Variants in MLLT1 observed in about 807,000 individuals in gnomAD.
The protein encoded by MLLT1 is MLLT1 super elongation complex subunit.
Under a neutral mutation model 55.1 loss-of-function variants are expected in MLLT1, and 11 were observed. The ratio of observed to expected loss-of-function variants is 0.20; its 90% confidence interval spans 0.13 to 0.33. MLLT1 has a LOEUF of 0.33. MLLT1 is among the 10% of genes least tolerant of loss of function. The pLI, the probability that MLLT1 is intolerant of heterozygous loss-of-function variation, is 1.00. For synonymous variants in MLLT1, 323 were observed against 320.1 expected, an observed-to-expected ratio of 1.01 and a Z score of -0.10; for missense variants, 536 against 760.6, an observed-to-expected ratio of 0.70 and a Z score of 3.47.
intron 3 of MLLT1, among the ~76,000 whole-genome samples, chr19:6,248,375 G>C (rs115578073): frequency 0.011 from 1,694 of 152,306 alleles, 31 homozygotes; most frequent in African/African-American, 0.039. Flanking sequence ...CCTCTCCCTT[G>C]AGTGTGGGCT....
intron 6 of MLLT1, among the ~76,000 whole-genome samples, chr19:6,220,961 C>T (rs893376076): frequency 6.6e-6 from 1 of 152,210 alleles, no homozygotes; most frequent in African/African-American, 2.4e-5. Flanking sequence ...GCCATGGGAG[C>T]ACCGGGCACT....
rs745925753 is a variant in MLLT1 at position 6,219,431 on chromosome 19, G to GTGA, written c.1111-1393_1111-1391dup. ...CCTGGCTGGGCCTGCCTGGAGCTGGGTGATGCACAGCCTGGACTTCTGTTC... is the reference window on the plus strand; with the variant it reads ...CCTGGCTGGGCCTGCCTGGAGCTGGGTGATGATGCACAGCCTGGACTTCTGTTC... On this transcript the variant is annotated intron_variant, in intron 6 of 11. Transcript: ENST00000252674. This position sits in a 1 kb window ranked among gnomAD's most constrained non-coding sequence, Gnocchi z 4.5. 9.9e-5 allele frequency among the ~76,000 whole-genome samples: 15 copies of GTGA among 152,198 alleles called. No homozygotes were observed. Among genetic ancestry groups the GTGA allele is most frequent in the Non-Finnish European group, 2.1e-4 (14 of 68,032 alleles).
Position 6,230,525 on chromosome 19 carries a change from C to G in MLLT1, c.420+45G>C, listed in dbSNP as rs1347888321. Reference sequence around the variant, plus strand: ...GCACAGACGGCCGCAGCAAAGTAGCCTCGGTGGAGCGGCCCCTTGGCGGGC... The same window carrying G: ...GCACAGACGGCCGCAGCAAAGTAGCGTCGGTGGAGCGGCCCCTTGGCGGGC... On this transcript the variant is annotated intron_variant, in intron 4 of 11. Coordinates refer to ENST00000252674, the MANE Select transcript of MLLT1 (RefSeq NM_005934.4). The surrounding 1 kb of genome is among the most constrained non-coding windows in gnomAD (Gnocchi z 9.0). The G allele has an allele frequency of 6.2e-7, 1 of 1,605,786 alleles. No homozygotes were observed. Among genetic ancestry groups the G allele is most frequent in the South Asian group, 1.1e-5 (1 of 90,864 alleles).
intron 1 of MLLT1, among the ~76,000 whole-genome samples, chr19:6,279,074 G>A (rs2091443256): frequency 6.6e-6 from 1 of 152,032 alleles, no homozygotes; most frequent in Admixed American, 6.6e-5. Context: ...AGACGGGAGA[G>A]AAGGCTCAGG....
At chr19:6,248,533 A>G (rs2091187607) in intron 3 of MLLT1, among the ~76,000 whole-genome samples, 1 of 152,230 alleles carries the variant, frequency 6.6e-6, no homozygotes, top group Non-Finnish European at 1.5e-5. Context: ...GAGGAAGTGC[A>G]TTTACCTCTG....
chr19:6,268,917 G>C (rs1021779755), intron 2 of MLLT1, among the ~76,000 whole-genome samples: 1 of 152,222 alleles, frequency 6.6e-6, no homozygotes, highest in Non-Finnish European at 1.5e-5. Flanking sequence ...ACTTGGAGAA[G>C]GTGCCATGTC....
rs2090772819 is a variant in MLLT1, at chr19:6,211,618, T to C, written c.*1424A>G. On this transcript the variant is annotated 3_prime_UTR_variant, in exon 12 of 12. Transcript: ENST00000252674. The surrounding 1 kb of genome is among the most constrained non-coding windows in gnomAD (Gnocchi z 4.6). ...CACCTCCAGGCCCTCAGCCCTCTTTTCCTCATAACTTGGTCAGGGCACAAG... is the reference window on the plus strand; with the variant it reads ...CACCTCCAGGCCCTCAGCCCTCTTTCCCTCATAACTTGGTCAGGGCACAAG... 1 of 1,065,044 alleles carries C rather than the reference T, an allele frequency of 9.4e-7. No homozygotes were observed. 66.0% of individuals were successfully genotyped at this position (1,065,044 alleles called of 1,614,324 possible). A position where few individuals can be genotyped will look rare whatever the true frequency, so the allele number is the denominator to read the frequency against.
intron 10 of MLLT1, 78 bp from the exon 11 acceptor site, chr19:6,213,486 A>G (rs1279039062): frequency 7.8e-7 from 1 of 1,282,560 alleles, no homozygotes; most frequent in African/African-American, 1.5e-5. Context: ...CCCACCCATG[A>G]CCCAGTCCAT....
Position 6,275,701 on chromosome 19 carries a change from G to A in MLLT1, c.12+4072C>T, listed in dbSNP as rs990587718. ...CCCTCTTCTGGCTCCATCTGTCCTCGTCCCTCTGACCCAAGGCACAATGAC... is the reference window on the plus strand; with the variant it reads ...CCCTCTTCTGGCTCCATCTGTCCTCATCCCTCTGACCCAAGGCACAATGAC... On this transcript the variant is annotated intron_variant, in intron 1 of 11. Transcript: ENST00000252674. Among the ~76,000 whole-genome samples, 16 of 152,270 alleles carry A rather than the reference G, an allele frequency of 1.1e-4. 1 individual carries two copies. The highest frequency in any genetic ancestry group is 3.9e-4 in the East Asian group (2 of 5,178).
chr19:6,229,497 C>T lies in MLLT1; in HGVS notation c.420+1073G>A, dbSNP rs1470348020. ...CACTCAGGAGGCGACCCACCCCACC[C>T]GCATACCCCACACGTCATACATGCC... On this transcript the variant is annotated intron_variant, in intron 4 of 11. Transcript: ENST00000252674. The surrounding 1 kb of genome is among the most constrained non-coding windows in gnomAD (Gnocchi z 5.2). 1.3e-5 allele frequency among the ~76,000 whole-genome samples: 2 copies of T among 152,048 alleles called. No homozygotes were observed. Among genetic ancestry groups the T allele is most frequent in the African/African-American group, 4.8e-5 (2 of 41,384 alleles).
At chr19:6,238,888 G>A (rs538011864) in intron 3 of MLLT1, among the ~76,000 whole-genome samples, 1 of 152,228 alleles carries the variant, frequency 6.6e-6, no homozygotes, top group Admixed American at 6.5e-5. Context: ...TCTGCTTCAG[G>A]CGGCTACCTT....
rs549556323 is a variant in MLLT1, at chr19:6,230,876, A to G, written c.277-163T>C. Among the ~76,000 whole-genome samples the G allele has an allele frequency of 6.6e-6, 1 of 151,976 alleles. No homozygotes were observed. Among genetic ancestry groups the G allele is most frequent in the South Asian group, 2.1e-4 (1 of 4,816 alleles). On this transcript the variant is annotated intron_variant, in intron 3 of 11. Transcript: ENST00000252674. The surrounding 1 kb of genome is among the most constrained non-coding windows in gnomAD (Gnocchi z 9.0). ...TCAGGGCACCTCCTGCCCTGCCCTT[A>G]TTCAAAATCGACCAGCTTACTATGT...
intron 11 of MLLT1, 62 bp from the exon 12 acceptor site, chr19:6,213,232 C>T: frequency 6.2e-7 from 1 of 1,611,494 alleles, no homozygotes; most frequent in Non-Finnish European, 8.5e-7. Flanking sequence ...GCCCTGTTCC[C>T]TAACAGAGGT....
chr19:6,213,692 TA>T, intron 10 of MLLT1, 33 bp downstream of exon 10: 1 of 696,882 alleles, frequency 1.4e-6, no homozygotes, highest in Non-Finnish European at 2.3e-6. Context: ...CACCCCTCCG[TA>T]GCCTCCCCGC....
rs574374568 is a variant in MLLT1, at chr19:6,276,537, G to A, written c.12+3236C>T. 1.1e-4 allele frequency among the ~76,000 whole-genome samples: 17 copies of A among 152,168 alleles called. 1 individual carries two copies. Among genetic ancestry groups the A allele is most frequent in the South Asian group, 2.1e-4 (1 of 4,818 alleles). Reference sequence around the variant, plus strand: ...CCTGGTCCTTTTGAAGAACGTGACCGCCCAGATGCTGACACCACCTCCCAG... The same window carrying A: ...CCTGGTCCTTTTGAAGAACGTGACCACCCAGATGCTGACACCACCTCCCAG... On this transcript the variant is annotated intron_variant, in intron 1 of 11. Coordinates refer to ENST00000252674, the MANE Select transcript of MLLT1 (RefSeq NM_005934.4).
At position 6,273,216 on chromosome 19, in the gene MLLT1, C is replaced by T. The variant is rs1837025678; in HGVS notation, c.13-2457G>A. Among the ~76,000 whole-genome samples the T allele has an allele frequency of 6.6e-6, 1 of 151,948 alleles. No homozygotes were observed. The highest frequency in any genetic ancestry group is 2.1e-4 in the South Asian group (1 of 4,804). On this transcript the variant is annotated intron_variant, in intron 1 of 11. Coordinates refer to ENST00000252674, the MANE Select transcript of MLLT1 (RefSeq NM_005934.4). This position sits in a 1 kb window ranked among gnomAD's most constrained non-coding sequence, Gnocchi z 4.3. ...GGCCTGGGGTGCAGGCAGAAAAGGG[C>T]GAATGGCAAACTAACAGCAACCCCA...
intron 1 of MLLT1, among the ~76,000 whole-genome samples, chr19:6,279,344 G>T (rs1445993835): frequency 1.3e-5 from 2 of 152,130 alleles, no homozygotes; most frequent in East Asian, 1.9e-4. Flanking sequence ...CCCCGGGAGG[G>T]GTCTGAACAG....
rs1379870096 is a variant in MLLT1, at chr19:6,219,859, C to T, written c.1111-1818G>A. ...TGGCGCCGTGCCAGACAGAGGAAAGCCAGTCAGGCACACGCATCCCCTTTC... is the reference window on the plus strand; with the variant it reads ...TGGCGCCGTGCCAGACAGAGGAAAGTCAGTCAGGCACACGCATCCCCTTTC... On this transcript the variant is annotated intron_variant, in intron 6 of 11. Coordinates refer to ENST00000252674, the MANE Select transcript of MLLT1 (RefSeq NM_005934.4). The surrounding 1 kb of genome is among the most constrained non-coding windows in gnomAD (Gnocchi z 4.5). Among the ~76,000 whole-genome samples, 1 of 152,238 alleles carries T rather than the reference C, an allele frequency of 6.6e-6. No homozygotes were observed. The highest frequency in any genetic ancestry group is 6.5e-5 in the Admixed American group (1 of 15,292).
chr19:6,246,816 T>A (rs2091172694), intron 3 of MLLT1, among the ~76,000 whole-genome samples: 1 of 152,136 alleles, frequency 6.6e-6, no homozygotes, highest in East Asian at 1.9e-4. Context: ...CAACTGAGAC[T>A]GACGAAGCTA....
Sources: allele counts gnomAD v4.1 joint callset (sites outside exome capture counted in the v4.1 genomes callset), GRCh38; gene constraint gnomAD v4.1.1; non-coding constraint Gnocchi (gnomAD v3.1); transcripts MANE v1.5; gene names NCBI Gene and HGNC (gene_info 2026-07-23, HGNC 2026-07-21).